MTRR: variants seen among roughly 807,000 people sequenced by gnomAD.
The protein encoded by MTRR is 5-methyltetrahydrofolate-homocysteine methyltransferase reductase.
Under a neutral mutation model 79.2 loss-of-function variants are expected in MTRR, and 63 were observed. The observed-to-expected ratio is 0.80, with a 90% CI of 0.65 to 0.98. The LOEUF (loss-of-function observed/expected upper bound fraction) is 0.98, where lower values mean the gene tolerates loss of function less well. Among genes scored for constraint, MTRR ranks in the 50% least tolerant of loss-of-function variants. MTRR has a pLI of 0.00. For missense variants in MTRR, 895 were observed against 839.6 expected, an observed-to-expected ratio of 1.07 and a Z score of -0.82; for synonymous variants, 355 against 313.3, an observed-to-expected ratio of 1.13 and a Z score of -1.41.
intron 1 of MTRR, chr5:7,869,544 A>C (rs866345268): frequency 1.2e-5 from 4 of 320,030 alleles, no homozygotes. Context: ...GGACGCGGGG[A>C]ACTGGGGAAC....
chr5:7,896,781 T>C, intron 12 of MTRR, 83 bp from the exon 13 acceptor site: 1 of 1,042,454 alleles, frequency 9.6e-7, no homozygotes, highest in Non-Finnish European at 1.5e-6. Context: ...CGTCTGAGTT[T>C]GTTGGTGGTA....
intron 5 of MTRR, among the ~76,000 whole-genome samples, chr5:7,880,267 C>CT: frequency 6.6e-6 from 1 of 152,230 alleles, no homozygotes; most frequent in Non-Finnish European, 1.5e-5. Flanking sequence ...TATTCAGACT[C>CT]TTATAACAGC....
chr5:7,900,557 T>A lies in MTRR; in HGVS notation c.*499T>A, dbSNP rs562884977. 1 of 155,880 alleles carries A rather than the reference T, an allele frequency of 6.4e-6. No individual in the cohort carries two copies. Among genetic ancestry groups the A allele is most frequent in the Non-Finnish European group, 1.4e-5 (1 of 69,898 alleles). The allele number at this position is 155,880 out of a possible 1,614,324, so 9.7% of individuals were successfully genotyped here. On this transcript the variant is annotated 3_prime_UTR_variant, in exon 15 of 15. Transcript: ENST00000440940. Reference sequence around the variant, plus strand: ...GTAGAGCATATCTGTTATATGTTTATGTAACTATCAAATGGTTATTTGTTA... The same window carrying A: ...GTAGAGCATATCTGTTATATGTTTAAGTAACTATCAAATGGTTATTTGTTA...
At chr5:7,893,472 C>T (rs760824774) in intron 11 of MTRR, 15 of 157,772 alleles carry the variant, frequency 9.5e-5, no homozygotes, top group Admixed American at 1.8e-4. Flanking sequence ...TTTTACAACA[C>T]CTAGGAGTAA....
At chr5:7,860,519 A>G (rs1409030586) in intron 1 of MTRR, among the ~76,000 whole-genome samples, 1 of 152,260 alleles carries the variant, frequency 6.6e-6, no homozygotes, top group Non-Finnish European at 1.5e-5. Flanking sequence ...GAATATAGGT[A>G]GGCCCCACTT....
At chr5:7,854,187 G>A (rs1021087894) in intron 1 of MTRR, among the ~76,000 whole-genome samples, 1 of 152,008 alleles carries the variant, frequency 6.6e-6, no homozygotes. Flanking sequence ...CAAAAGTTCT[G>A]TGCCGGAGAA....
intron 9 of MTRR, among the ~76,000 whole-genome samples, chr5:7,891,040 C>T (rs1045689644): frequency 1.3e-5 from 2 of 151,944 alleles, no homozygotes; most frequent in African/African-American, 4.8e-5. Context: ...TGCACATATA[C>T]CTAGTAAGGG....
chr5:7,889,309 TGTTCGTGCACTG>T, intron 9 of MTRR, 34 bp downstream of exon 9: 1 of 1,611,832 alleles, frequency 6.2e-7, no homozygotes, highest in Non-Finnish European at 8.5e-7. Context: ...CCTTGGTGGC[TGTTCGTGCACTG>T]GTAGGCGGGC....
At chr5:7,863,106 C>A in intron 2 of MTRR, 2 of 911,334 alleles carry the variant, frequency 2.2e-6, no homozygotes, top group East Asian at 2.4e-5. Context: ...ACTTTATAGG[C>A]ATGATACTTT....
intron 1 of MTRR, chr5:7,861,454 G>A (rs759646083): frequency 4.6e-6 from 3 of 659,092 alleles, no homozygotes; most frequent in Non-Finnish European, 7.1e-6. Flanking sequence ...TCCCAACATG[G>A]TATTCTGAAA....
chr5:7,875,466 G>T, intron 4 of MTRR, 91 bp downstream of exon 4: 1 of 1,136,156 alleles, frequency 8.8e-7, no homozygotes, highest in Admixed American at 1.7e-5. Context: ...ACTTAACACT[G>T]AAATTTTCCT....
At chr5:7,876,611 T>A (rs1231682086) in intron 4 of MTRR, among the ~76,000 whole-genome samples, 2 of 152,254 alleles carry the variant, frequency 1.3e-5, no homozygotes, top group African/African-American at 4.8e-5. Flanking sequence ...CATTCTTGCT[T>A]GATGTGCCAC....
chr5:7,867,888 G>T, upstream of MTRR: 1 of 1,614,104 alleles, frequency 6.2e-7, no homozygotes, highest in Non-Finnish European at 8.5e-7. Context: ...TTTTTCGAAT[G>T]AAACTTTTTA....
intron 1 of MTRR, chr5:7,870,143 T>A: frequency 4.4e-6 from 4 of 904,650 alleles, no homozygotes; most frequent in Non-Finnish European, 5.3e-6. Flanking sequence ...TATTTTTTCG[T>A]TATATGCACC....
upstream of MTRR, chr5:7,865,818 G>T (rs1415698972): frequency 9.4e-7 from 1 of 1,068,530 alleles, no homozygotes; most frequent in Non-Finnish European, 1.4e-6. Context: ...TCAGGTTATT[G>T]AGACAGATCA....
At chr5:7,883,953 C>G (rs1232629235) in intron 6 of MTRR, among the ~76,000 whole-genome samples, 2 of 152,172 alleles carry the variant, frequency 1.3e-5, no homozygotes, top group East Asian at 1.9e-4. Flanking sequence ...AAGGCGGTCA[C>G]TTGAACCCAG....
intron 2 of MTRR, chr5:7,872,124 A>G (rs1748092464): frequency 6.1e-6 from 2 of 328,504 alleles, no homozygotes; most frequent in South Asian, 2.5e-5. Flanking sequence ...AGGTACTGAC[A>G]TTACTTATAC....
intron 8 of MTRR, among the ~76,000 whole-genome samples, chr5:7,888,336 T>C (rs1203723822): frequency 6.6e-6 from 1 of 152,232 alleles, no homozygotes; most frequent in East Asian, 1.9e-4. Context: ...GTGAAAAAAG[T>C]ATGTTAAAGG....
chr5:7,855,550 C>CA (rs1746220800), intron 1 of MTRR, among the ~76,000 whole-genome samples: 1 of 151,906 alleles, frequency 6.6e-6, no homozygotes, highest in Non-Finnish European at 1.5e-5. Flanking sequence ...CTCTGCCACT[C>CA]AGGCTGGAGA....
Sources: allele counts gnomAD v4.1 joint callset (sites outside exome capture counted in the v4.1 genomes callset), GRCh38; gene constraint gnomAD v4.1.1; transcripts MANE v1.5; gene names NCBI Gene and HGNC (gene_info 2026-07-23, HGNC 2026-07-21).